Variants in RNF212 observed in about 807,000 individuals in gnomAD.
RNF212 encodes the protein probable E3 SUMO-protein ligase RNF212.
Under a neutral mutation model 34.7 loss-of-function variants are expected in RNF212, and 33 were observed. The ratio of observed to expected loss-of-function variants is 0.95; its 90% confidence interval spans 0.72 to 1.27. RNF212 has a LOEUF of 1.27. RNF212 is among the 50% of genes most tolerant of loss of function. RNF212 has a pLI of 0.00. For missense variants in RNF212, 377 were observed against 362.2 expected (o/e 1.04, Z -0.33); for synonymous variants, 140 against 136.1 (o/e 1.03, Z -0.20).
At chr4:1,057,882 T>C (rs1332433161) in intron 4 of RNF212, among the ~76,000 whole-genome samples, 1 of 152,078 alleles carries the variant, frequency 6.6e-6, no homozygotes, top group Non-Finnish European at 1.5e-5. Context: ...CTGACCAAAA[T>C]GGTGAAACCC....
rs34470931 is a variant in RNF212 at position 1,084,726 on chromosome 4, CAAAA to C, written c.362+1166_362+1169del. Reference sequence around the variant, plus strand: ...TGGGTGACAGAGGAAGACCCTGTCTCAAAAAAAAAAAAAAAAAAAAAAAAGCGAA... The same window carrying C: ...TGGGTGACAGAGGAAGACCCTGTCTCAAAAAAAAAAAAAAAAAAAAGCGAA... On this transcript the variant is annotated intron_variant, in intron 5 of 9. Coordinates refer to ENST00000433731, the MANE Select transcript of RNF212 (RefSeq NM_001131034.4). Among the ~76,000 whole-genome samples, 199 of 60,470 alleles carry C rather than the reference CAAAA, an allele frequency of 3.3e-3. 2 individuals carry two copies. The highest frequency in any genetic ancestry group is 0.013 in the African/African-American group (178 of 14,138). 39.7% of individuals were successfully genotyped at this position (60,470 alleles called of 152,430 possible). A position where few individuals can be genotyped will look rare whatever the true frequency, so the allele number is the denominator to read the frequency against.
intron 3 of RNF212, among the ~76,000 whole-genome samples, chr4:1,059,212 G>A (rs567918964): frequency 2.0e-5 from 3 of 152,316 alleles, no homozygotes; most frequent in Admixed American, 6.5e-5. Context: ...CCGTGCCCCC[G>A]ACAGGGGTCT....
intron 4 of RNF212, 23 bp downstream of exon 4, chr4:1,090,759 G>A (rs376282890): frequency 3.6e-6 from 5 of 1,380,218 alleles, no homozygotes; most frequent in Non-Finnish European, 4.1e-6. Flanking sequence ...AAATTCAAGT[G>A]GCAATGAATC....
In RNF212 at chr4:1,113,503, C is replaced by G; in HGVS notation, c.-39G>C. The G allele has an allele frequency of 6.4e-7, 1 of 1,552,230 alleles. No homozygotes were observed. Among genetic ancestry groups the G allele is most frequent in the Non-Finnish European group, 8.8e-7 (1 of 1,134,874 alleles). On this transcript the variant is annotated 5_prime_UTR_variant, in exon 1 of 10. Transcript: ENST00000433731. ...CCGCAGCGGCGAGGCCGGGCCCACGCGAAGCCCACGCAAGGTTGGGACCAG... is the reference window on the plus strand; with the variant it reads ...CCGCAGCGGCGAGGCCGGGCCCACGGGAAGCCCACGCAAGGTTGGGACCAG...
intron 1 of RNF212, among the ~76,000 whole-genome samples, chr4:1,110,434 C>T (rs935407052): frequency 3.3e-5 from 5 of 152,072 alleles, no homozygotes; most frequent in East Asian, 1.9e-4. Flanking sequence ...TGTGCACATC[C>T]GCAGCCTAGC....
Position 1,099,170 on chromosome 4 carries a change from C to T in RNF212, c.172-2331G>A, listed in dbSNP as rs368267495. Reference sequence around the variant, plus strand: ...CCCCGGCACTCACATTGCAGAGGGCCGGCGATAAGCCAGGTGCCGGAATTT... The same window carrying T: ...CCCCGGCACTCACATTGCAGAGGGCTGGCGATAAGCCAGGTGCCGGAATTT... On this transcript the variant is annotated intron_variant, in intron 2 of 9. Transcript: ENST00000433731. Among the ~76,000 whole-genome samples, 73 of 152,286 alleles carry T rather than the reference C, an allele frequency of 4.8e-4. 1 individual carries two copies. The South Asian group carries it at 0.011, about 23-fold the overall frequency.
chr4:1,072,684 A>C lies in RNF212; in HGVS notation c.*190T>G. The C allele has an allele frequency of 7.7e-7, 1 of 1,303,076 alleles. No homozygotes were observed. The highest frequency in any genetic ancestry group is 1.0e-6 in the Non-Finnish European group (1 of 994,932). 80.7% of individuals were successfully genotyped at this position (1,303,076 alleles called of 1,614,324 possible). On this transcript the variant is annotated 3_prime_UTR_variant, in exon 10 of 10. Transcript: ENST00000433731. ...GGATAATAACAATATATATGAGTAC[A>C]TAAAAATATTGTCTCTAAAATTCAA...
At chr4:1,074,013 G>A (rs1577647600) in intron 8 of RNF212, among the ~76,000 whole-genome samples, 2 of 152,164 alleles carry the variant, frequency 1.3e-5, no homozygotes, top group South Asian at 2.1e-4. Flanking sequence ...TCATTCTTGG[G>A]TGCATAATTT....
chr4:1,058,899 A>G (rs750156244), intron 3 of RNF212, among the ~76,000 whole-genome samples: 1 of 152,200 alleles, frequency 6.6e-6, no homozygotes, highest in Non-Finnish European at 1.5e-5. Flanking sequence ...GCCTCTCCCA[A>G]GCCTTGGCTC....
At position 1,108,332 on chromosome 4, in the gene RNF212, T is replaced by C. The variant is rs750556734; in HGVS notation, c.171+11A>G. The C allele has an allele frequency of 3.4e-6, 5 of 1,489,722 alleles. No homozygotes were observed. The Admixed American group carries it at 1.4e-4, about 41-fold the overall frequency. The allele number at this position is 1,489,722 out of a possible 1,614,324, so 92.3% of individuals were successfully genotyped here. A position where few individuals can be genotyped will look rare whatever the true frequency, so the allele number is the denominator to read the frequency against. On this transcript the variant is annotated intron_variant, in intron 2 of 9. Transcript: ENST00000433731. ...GTGATTAAGATGCAGATACGACACA[T>C]TTCAACTTACATGCTTTGAAAGCAA...
At chr4:1,063,690 G>T (rs1717894973) in intron 3 of RNF212, among the ~76,000 whole-genome samples, 1 of 90,860 alleles carries the variant, frequency 1.1e-5, no homozygotes, top group African/African-American at 5.4e-5. Flanking sequence ...GTGAGACTCA[G>T]TCTCAAAAAA....
At chr4:1,106,886 A>G (rs187348188) in intron 2 of RNF212, among the ~76,000 whole-genome samples, 2 of 152,366 alleles carry the variant, frequency 1.3e-5, no homozygotes, top group African/African-American at 2.4e-5. Flanking sequence ...CCACAGAAAT[A>G]TTCTTATAAG....
At chr4:1,081,247 AC>A (rs1720286982) in intron 7 of RNF212, among the ~76,000 whole-genome samples, 171 bp downstream of exon 7, 1 of 151,174 alleles carries the variant, frequency 6.6e-6, no homozygotes, top group East Asian at 2.0e-4. Flanking sequence ...TTAGTTTGGG[AC>A]CTGAGCCTCG....
chr4:1,104,847 G>A (rs767418880), intron 2 of RNF212, among the ~76,000 whole-genome samples: 3 of 152,158 alleles, frequency 2.0e-5, no homozygotes, highest in African/African-American at 7.2e-5. Flanking sequence ...ATGGCGGCAC[G>A]GGGCAGGACA....
downstream of RNF212, among the ~76,000 whole-genome samples, chr4:1,067,885 A>C (rs1277416297): frequency 1.3e-5 from 2 of 151,794 alleles, no homozygotes. Context: ...AAAAAAAAAA[A>C]GAAATACCTA....
intron 1 of RNF212, among the ~76,000 whole-genome samples, chr4:1,109,767 C>T (rs548321409): frequency 1.1e-4 from 17 of 152,284 alleles, no homozygotes; most frequent in African/African-American, 3.6e-4. Flanking sequence ...CTTCACGCTA[C>T]CTCCTTCCTT....
rs183167944 is a variant in RNF212, at chr4:1,096,655, G to A, written c.246+110C>T. On this transcript the variant is annotated intron_variant, in intron 3 of 9. Transcript: ENST00000433731. The stretch of plus-strand genomic sequence containing the variant: ...ACCCCTCACAGCTCCATGGTCTCGG[G>A]ATAGTGCACCTGGCTCATCACAGAA... 3.2e-3 allele frequency: 2,290 copies of A among 711,162 alleles called. 15 individuals carry two copies. Among genetic ancestry groups the A allele is most frequent in the African/African-American group, 6.1e-3 (265 of 43,556 alleles). The allele number at this position is 711,162 out of a possible 1,614,324, so 44.1% of individuals were successfully genotyped here.
At chr4:1,104,600 G>C (rs1255874639) in intron 2 of RNF212, among the ~76,000 whole-genome samples, 1 of 152,180 alleles carries the variant, frequency 6.6e-6, no homozygotes, top group Non-Finnish European at 1.5e-5. Context: ...AGCAGGCGTG[G>C]TGATGACTGC....
chr4:1,094,686 G>C (rs584472), intron 3 of RNF212, among the ~76,000 whole-genome samples: 27,454 of 152,140 alleles, frequency 0.18, 3,953 homozygotes, highest in African/African-American at 0.41. Context: ...GGAGGCCTGG[G>C]AGGCAGAAGG....
Sources: allele counts gnomAD v4.1 joint callset (sites outside exome capture counted in the v4.1 genomes callset), GRCh38; gene constraint gnomAD v4.1.1; transcripts MANE v1.5; gene names NCBI Gene and HGNC (gene_info 2026-07-23, HGNC 2026-07-21).